Variants in LGR4 observed in about 807,000 individuals in gnomAD.
LGR4 encodes the protein leucine-rich repeat-containing G protein-coupled receptor 4.
A neutral mutation model predicts 84.8 loss-of-function variants in LGR4; 44 were observed. The ratio of observed to expected loss-of-function variants is 0.52; its 90% CI spans 0.41 to 0.67. The LOEUF is 0.67. Among genes scored for constraint, LGR4 ranks in the 30% least tolerant of loss-of-function variants. The pLI is 0.00. For missense variants in LGR4, 1,032 were observed against 1,131.4 expected, an observed-to-expected ratio of 0.91 and a Z score of 1.26; for synonymous variants, 429 against 434.3, an observed-to-expected ratio of 0.99 and a Z score of 0.15.
intron 1 of LGR4, among the ~76,000 whole-genome samples, chr11:27,452,417 C>T (rs1017425042): frequency 1.3e-5 from 2 of 152,094 alleles, no homozygotes; most frequent in Non-Finnish European, 2.9e-5. Flanking sequence ...ACTAAAGCTA[C>T]AGACCCTACT....
intron 1 of LGR4, among the ~76,000 whole-genome samples, chr11:27,459,643 A>G (rs1025804663): frequency 2.6e-5 from 4 of 151,642 alleles, no homozygotes; most frequent in African/African-American, 9.7e-5. Flanking sequence ...CACCTGCCTA[A>G]TTTTTGTATT....
At chr11:27,394,239 G>C (rs950900110) in intron 2 of LGR4, among the ~76,000 whole-genome samples, 1 of 152,094 alleles carries the variant, frequency 6.6e-6, no homozygotes, top group Non-Finnish European at 1.5e-5. Context: ...TGTCAGCCTT[G>C]TAGCCTTCAC....
At chr11:27,372,421 C>G in intron 15 of LGR4, 23 bp from the exon 16 acceptor site, 1 of 1,303,242 alleles carries the variant, frequency 7.7e-7, no homozygotes, top group Non-Finnish European at 1.1e-6. Flanking sequence ...GTTGTAAAAT[C>G]TACACTGAAC....
chr11:27,429,136 G>C (rs1200641462), intron 1 of LGR4, among the ~76,000 whole-genome samples: 2 of 152,012 alleles, frequency 1.3e-5, no homozygotes, highest in Non-Finnish European at 2.9e-5. Flanking sequence ...AGATAAAGAG[G>C]AGAAAAATAA....
chr11:27,458,857 AAGTCAGGGAAGC>A (rs1451974434), intron 1 of LGR4, among the ~76,000 whole-genome samples: 1 of 152,130 alleles, frequency 6.6e-6, no homozygotes, highest in East Asian at 1.9e-4. Context: ...ACAGTTTTGA[AAGTCAGGGAAGC>A]AGTCAAAGTA....
chr11:27,468,026 A>G (rs1446356346), intron 1 of LGR4, among the ~76,000 whole-genome samples: 1 of 152,202 alleles, frequency 6.6e-6, no homozygotes, highest in East Asian at 1.9e-4. Flanking sequence ...ACCTGCCAGG[A>G]AATACACAGT....
At chr11:27,374,992 A>G (rs1862948181) in intron 13 of LGR4, among the ~76,000 whole-genome samples, 1 of 152,106 alleles carries the variant, frequency 6.6e-6, no homozygotes, top group Non-Finnish European at 1.5e-5. Flanking sequence ...TCTATAATAG[A>G]AAAATGTTGT....
chr11:27,456,991 C>T (rs1358212313), intron 1 of LGR4, among the ~76,000 whole-genome samples: 2 of 151,828 alleles, frequency 1.3e-5, no homozygotes, highest in African/African-American at 4.8e-5. Flanking sequence ...CATTTTGTTT[C>T]TCATTTCACC....
intron 1 of LGR4, among the ~76,000 whole-genome samples, chr11:27,440,271 T>C (rs769661195): frequency 6.6e-6 from 1 of 152,040 alleles, no homozygotes; most frequent in Non-Finnish European, 1.5e-5. Flanking sequence ...ACGGAGCACA[T>C]GGGAAGGAAT....
intron 8 of LGR4, 74 bp from the exon 9 acceptor site, chr11:27,380,785 T>C (rs1210919209): frequency 2.5e-5 from 31 of 1,219,204 alleles, no homozygotes; most frequent in Non-Finnish European, 3.7e-5. Flanking sequence ...ATGTTCACAA[T>C]GTACATATAT....
intron 4 of LGR4, among the ~76,000 whole-genome samples, chr11:27,388,112 C>T (rs1863219329): frequency 6.6e-6 from 1 of 152,092 alleles, no homozygotes; most frequent in African/African-American, 2.4e-5. Context: ...TGTGAAGTCA[C>T]ATATAAGTAG....
chr11:27,382,114 A>C, intron 7 of LGR4, 74 bp downstream of exon 7: 1 of 970,758 alleles, frequency 1.0e-6, no homozygotes. Flanking sequence ...AGATGTTCTA[A>C]AATCCCATTG....
chr11:27,394,455 T>C (rs1354143234), intron 2 of LGR4, among the ~76,000 whole-genome samples: 1 of 152,206 alleles, frequency 6.6e-6, no homozygotes, highest in Admixed American at 6.5e-5. Context: ...CAGGCTGGAG[T>C]GCAGTGGTGC....
rs138255871 is a variant in LGR4 at position 27,450,806 on chromosome 11, A to C, written c.185+21312T>G. 1.8e-3 allele frequency among the ~76,000 whole-genome samples: 278 copies of C among 152,216 alleles called. 1 individual carries two copies. The highest frequency in any genetic ancestry group is 6.6e-3 in the African/African-American group (273 of 41,536). On this transcript the variant is annotated intron_variant, in intron 1 of 17. Transcript: ENST00000379214. ...TGCGTCTCAAGAAAAAAAGAAAGAA[A>C]ATTGTGCTCTCACATCCATTCCTTG... is the stretch of plus-strand genomic sequence containing the variant.
intron 1 of LGR4, among the ~76,000 whole-genome samples, chr11:27,424,410 G>C (rs531088613): frequency 4.7e-4 from 72 of 152,276 alleles, no homozygotes; most frequent in African/African-American, 1.7e-3. Context: ...GAGGTGGGAT[G>C]ACTGCTTAAG....
At chr11:27,458,027 G>A (rs1324624339) in intron 1 of LGR4, among the ~76,000 whole-genome samples, 2 of 152,122 alleles carry the variant, frequency 1.3e-5, no homozygotes, top group Non-Finnish European at 1.5e-5. Flanking sequence ...CTATTTGGAG[G>A]GCTAAGGTAG....
chr11:27,424,793 G>A (rs1481963676), intron 1 of LGR4, among the ~76,000 whole-genome samples: 2 of 152,204 alleles, frequency 1.3e-5, no homozygotes, highest in African/African-American at 4.8e-5. Context: ...TTGTCACCCA[G>A]GCTGGAGTGC....
chr11:27,464,461 A>G (rs1321299910), intron 1 of LGR4, among the ~76,000 whole-genome samples: 1 of 152,204 alleles, frequency 6.6e-6, no homozygotes, highest in East Asian at 1.9e-4. Context: ...ACACTTGAAG[A>G]GAGTGCGAAT....
chr11:27,397,767 C>G (rs1565078713), intron 2 of LGR4, among the ~76,000 whole-genome samples: 1 of 152,186 alleles, frequency 6.6e-6, no homozygotes. Context: ...TATCTCAACA[C>G]ACGCTGTGTT....
Sources: gnomAD v4.1 joint callset for allele counts (sites outside exome capture counted in the v4.1 genomes callset) on GRCh38, gnomAD v4.1.1 for gene constraint, MANE v1.5 for transcripts, NCBI Gene and HGNC (gene_info 2026-07-23, HGNC 2026-07-21) for gene names.